TOMM70: variants seen among roughly 807,000 people sequenced by gnomAD.
TOMM70 encodes mitochondrial import receptor subunit TOM70.
Under a neutral mutation model 73.6 loss-of-function variants are expected in TOMM70, and 13 were observed. The observed-to-expected ratio is 0.18, with a 90% CI of 0.11 to 0.28. The LOEUF (loss-of-function observed/expected upper bound fraction) is 0.28. Ranked by LOEUF, TOMM70 falls within the 10% of genes least tolerant of loss-of-function variation. The pLI, the probability that TOMM70 is intolerant of heterozygous loss-of-function variation, is 1.00. For missense variants in TOMM70, 609 were observed against 747.5 expected (o/e 0.81, Z 2.16); for synonymous variants, 257 against 271.2 (o/e 0.95, Z 0.51).
At chr3:100,371,055 C>T (rs1031435110) in intron 9 of TOMM70, among the ~76,000 whole-genome samples, 46 of 152,132 alleles carry the variant, frequency 3.0e-4, no homozygotes, top group African/African-American at 1.1e-3. Context: ...TTAAAATGTA[C>T]ACTTTAATGT....
At chr3:100,368,847 A>T (rs1391383954) in intron 10 of TOMM70, among the ~76,000 whole-genome samples, 191 bp downstream of exon 10, 1 of 152,180 alleles carries the variant, frequency 6.6e-6, no homozygotes, top group African/African-American at 2.4e-5. Flanking sequence ...AAGTACTAGG[A>T]TTACGTGTAA....
intron 1 of TOMM70, among the ~76,000 whole-genome samples, chr3:100,388,703 A>C (rs973748990): frequency 5.3e-5 from 8 of 152,244 alleles, no homozygotes; most frequent in Admixed American, 5.2e-4. Flanking sequence ...GTATCTGAGA[A>C]AGCAGGATAT....
intron 11 of TOMM70, among the ~76,000 whole-genome samples, chr3:100,366,577 A>T (rs114093112): frequency 0.012 from 1,818 of 151,540 alleles, 34 homozygotes; most frequent in African/African-American, 0.043. Flanking sequence ...GCTTATTTTT[A>T]AAAAAAACTT....
chr3:100,379,661 G>C (rs767808070), intron 5 of TOMM70, among the ~76,000 whole-genome samples: 3 of 152,132 alleles, frequency 2.0e-5, no homozygotes, highest in Non-Finnish European at 2.9e-5. Flanking sequence ...CTGTTCCCCA[G>C]GCTGGAGTGC....
At position 100,368,039 on chromosome 3, in the gene TOMM70, G is replaced by A. The variant is rs1220636437; in HGVS notation, c.1673+5C>T. Reference sequence around the variant, plus strand: ...ATATATTTCCTAACAGACTCCAGAAGTTACCTTTGTACTTCAATAGTTCCC... The same window carrying A: ...ATATATTTCCTAACAGACTCCAGAAATTACCTTTGTACTTCAATAGTTCCC... On this transcript the variant is annotated splice_donor_5th_base_variant and intron_variant, in intron 11 of 11. Coordinates refer to ENST00000284320, the MANE Select transcript of TOMM70 (RefSeq NM_014820.5). 1 of 1,612,214 alleles carries A rather than the reference G, an allele frequency of 6.2e-7. No homozygotes were observed. Among genetic ancestry groups the A allele is most frequent in the South Asian group, 1.1e-5 (1 of 90,684 alleles).
In TOMM70 at chr3:100,375,161, C is replaced by A; in HGVS notation, c.1093-9G>T. On this transcript the variant is annotated splice_polypyrimidine_tract_variant and intron_variant, in intron 6 of 11. Transcript: ENST00000284320. ...AGAGCATTTGCTCGAAGCTATATAC[C>A]CCAAGTGAGGAAAGGTTCATCATTA... 6.4e-7 allele frequency: 1 copy of A among 1,560,410 alleles called. No homozygotes were observed. The highest frequency in any genetic ancestry group is 1.4e-5 in the African/African-American group (1 of 72,574).
intron 2 of TOMM70, 74 bp downstream of exon 2, chr3:100,386,731 G>A: frequency 6.6e-7 from 1 of 1,504,018 alleles, no homozygotes; most frequent in Non-Finnish European, 9.0e-7. Flanking sequence ...AGGTTTATTT[G>A]AGTAGCTTTA....
At chr3:100,397,090 G>T (rs1246482472) in intron 1 of TOMM70, among the ~76,000 whole-genome samples, 2 of 152,136 alleles carry the variant, frequency 1.3e-5, no homozygotes, top group African/African-American at 2.4e-5. Flanking sequence ...TGTAGCTATT[G>T]CTCAGGTGGA....
At chr3:100,373,475 T>C in intron 8 of TOMM70, 63 bp downstream of exon 8, 1 of 1,359,144 alleles carries the variant, frequency 7.4e-7, no homozygotes, top group Non-Finnish European at 1.0e-6. Flanking sequence ...GAGATACTCA[T>C]TTTTGTTGAC....
At chr3:100,375,863 G>A (rs181346382) in intron 6 of TOMM70, among the ~76,000 whole-genome samples, 4 of 152,150 alleles carry the variant, frequency 2.6e-5, no homozygotes, top group Admixed American at 2.6e-4. Context: ...GTTAACGAAC[G>A]TATTAAATTC....
intron 10 of TOMM70, 77 bp from the exon 11 acceptor site, chr3:100,368,243 T>C: frequency 1.3e-6 from 2 of 1,486,808 alleles, no homozygotes; most frequent in South Asian, 2.7e-5. Flanking sequence ...TATGACTCAA[T>C]TTCTGCCTTC....
At position 100,393,512 on chromosome 3, in the gene TOMM70, G is replaced by A. The variant is rs140620880; in HGVS notation, c.325-6534C>T. Among the ~76,000 whole-genome samples the A allele has an allele frequency of 3.0e-3, 451 of 152,206 alleles. 2 individuals carry two copies. The highest frequency in any genetic ancestry group is 0.011 in the African/African-American group (442 of 41,528). On this transcript the variant is annotated intron_variant, in intron 1 of 11. Transcript: ENST00000284320. The stretch of plus-strand genomic sequence containing the variant: ...CATATTGGGTACAATGTACACTTGG[G>A]TGATGAGTGCACTAAAATCTCAGAC...
intron 7 of TOMM70, 30 bp from the exon 8 acceptor site, chr3:100,373,675 T>C: frequency 8.2e-7 from 1 of 1,212,920 alleles, no homozygotes; most frequent in Non-Finnish European, 1.1e-6. Context: ...ATAAATGTAA[T>C]TCAACTAGTC....
rs747964777 is a variant in TOMM70, at chr3:100,373,591, T to C, written c.1282A>G (p.Ile428Val). The C allele has an allele frequency of 6.2e-7, 1 of 1,613,462 alleles. No individual in the cohort carries two copies. ...AGAGCAGACTCAGGTCTTAACCTAATACATTCATCAAAATCTGCCACTGCT... is the reference window on the plus strand; with the variant it reads ...AGAGCAGACTCAGGTCTTAACCTAACACATTCATCAAAATCTGCCACTGCT... ...EEAVADFDEC[I>V]RLRPESALAQ... The change falls in exon 8 of 12, where the codon ATT (isoleucine) becomes GTT (valine). Residue 428 changes from isoleucine to valine, a missense_variant. Ile to Val is a conservative substitution (Grantham distance 29, BLOSUM62 3). Transcript: ENST00000284320.
chr3:100,365,672 G>GTTCCGAT lies in TOMM70; in HGVS notation c.1718_1719insATCGGAA (p.Asn573LysfsTer58). 2 of 1,614,180 alleles carry GTTCCGAT rather than the reference G, an allele frequency of 1.2e-6. No homozygotes were observed. The highest frequency in any genetic ancestry group is 1.7e-6 in the Non-Finnish European group (2 of 1,180,014). On this transcript the variant is annotated frameshift_variant, in exon 12 of 12. Coordinates refer to ENST00000284320, the MANE Select transcript of TOMM70 (RefSeq NM_014820.5). LOFTEE classifies it high-confidence loss of function. ...CCATCTCCATTTCCGATTTGGCCAG[G>GTTCCGAT]TTAATAGCTTTGTTGAACATGTCAA...
Position 100,368,892 on chromosome 3 carries a change from A to G in TOMM70, c.1550+146T>C, listed in dbSNP as rs1358333272. ...CCTGGCCTCCTTAACTAATTTCTGT[A>G]AGAATGAAAAGACATCTAGGAGCAT... On this transcript the variant is annotated intron_variant, in intron 10 of 11. Transcript: ENST00000284320. 1.8e-5 allele frequency: 11 copies of G among 600,946 alleles called. No homozygotes were observed. In the East Asian group the frequency reaches 3.2e-4, roughly 18 times the overall value. 37.2% of individuals were successfully genotyped at this position (600,946 alleles called of 1,614,324 possible). A position where few individuals can be genotyped will look rare whatever the true frequency, so the allele number is the denominator to read the frequency against.
intron 4 of TOMM70, among the ~76,000 whole-genome samples, 194 bp downstream of exon 4, chr3:100,384,285 A>C (rs1461318657): frequency 6.6e-6 from 1 of 152,256 alleles, no homozygotes; most frequent in Non-Finnish European, 1.5e-5. Flanking sequence ...AGGTAGAGTA[A>C]TGGACAGAGC....
At chr3:100,384,195 T>C (rs1450064239) in intron 4 of TOMM70, among the ~76,000 whole-genome samples, 4 of 152,204 alleles carry the variant, frequency 2.6e-5, no homozygotes, top group African/African-American at 9.7e-5. Flanking sequence ...ACATTATTTA[T>C]AAAAACAGGT....
intron 7 of TOMM70, 95 bp downstream of exon 7, chr3:100,374,923 A>AT: frequency 7.3e-7 from 1 of 1,368,264 alleles, no homozygotes; most frequent in African/African-American, 1.5e-5. Context: ...CAGAAATTAT[A>AT]TAAGAAAACT....
Sources: gnomAD v4.1 joint callset for allele counts (sites outside exome capture counted in the v4.1 genomes callset) on GRCh38, gnomAD v4.1.1 for gene constraint, MANE v1.5 for transcripts, NCBI Gene and HGNC (gene_info 2026-07-23, HGNC 2026-07-21) for gene names.